Variants in TAPT1 observed in about 807,000 individuals in gnomAD.
TAPT1 encodes transmembrane anterior posterior transformation 1.
A neutral mutation model predicts 65.6 loss-of-function variants in TAPT1; 28 were observed. The observed-to-expected ratio is 0.43, with a 90% CI of 0.32 to 0.59. The LOEUF (loss-of-function observed/expected upper bound fraction) is 0.59. Among genes scored for constraint, TAPT1 ranks in the 20% least tolerant of loss-of-function variants. The probability of loss-of-function intolerance (pLI) is 0.09; values close to 1 mark genes in which losing one functional copy is unlikely to be tolerated. For synonymous variants in TAPT1, 278 were observed against 245.2 expected, an observed-to-expected ratio of 1.13 and a Z score of -1.25; for missense variants, 563 against 679.9, an observed-to-expected ratio of 0.83 and a Z score of 1.91.
chr4:16,200,703 A>G (rs1255924511), intron 3 of TAPT1, among the ~76,000 whole-genome samples: 1 of 152,218 alleles, frequency 6.6e-6, no homozygotes. Context: ...ATCCCGTTCC[A>G]AATAAAGATG....
intron 11 of TAPT1, 142 bp from the exon 12 acceptor site, chr4:16,170,871 A>G: frequency 1.6e-6 from 1 of 625,012 alleles, no homozygotes; most frequent in Non-Finnish European, 2.8e-6. Flanking sequence ...TAAAAATCCA[A>G]GAAGGCAGAT....
rs565111053 is a variant in TAPT1 at position 16,174,443 on chromosome 4, T to C, written c.1168-171A>G. ...AATCCAAATGTTCACAAGTCTTAAA[T>C]ACAAAGTTGAATAACTTAAAATGCT... On this transcript the variant is annotated intron_variant, in intron 10 of 13. Coordinates refer to ENST00000405303, the MANE Select transcript of TAPT1 (RefSeq NM_153365.3). 3 of 707,678 alleles carry C rather than the reference T, an allele frequency of 4.2e-6. No individual in the cohort carries two copies. In the East Asian group the frequency reaches 8.4e-5, roughly 20 times the overall value. 43.8% of individuals were successfully genotyped at this position (707,678 alleles called of 1,614,324 possible).
rs550731010 is a variant in TAPT1, at chr4:16,186,617, A to G, written c.847-13T>C. The G allele has an allele frequency of 7.8e-5, 116 of 1,494,838 alleles. No homozygotes were observed. The East Asian group carries it at 2.8e-3, about 36-fold the overall frequency. The allele number at this position is 1,494,838 out of a possible 1,614,324, so 92.6% of individuals were successfully genotyped here. A position where few individuals can be genotyped will look rare whatever the true frequency, so the allele number is the denominator to read the frequency against. Reference sequence around the variant, plus strand: ...TAATTTCAACAAACTGAAATAGTAAACAGAAATACCATCTTTATGATTATA... The same window carrying G: ...TAATTTCAACAAACTGAAATAGTAAGCAGAAATACCATCTTTATGATTATA... On this transcript the variant is annotated splice_polypyrimidine_tract_variant and intron_variant, in intron 6 of 13. Transcript: ENST00000405303.
At chr4:16,226,033 C>G (rs1751530987) in intron 1 of TAPT1, 1 of 1,006,194 alleles carries the variant, frequency 9.9e-7, no homozygotes. Context: ...CCTGGCCTGG[C>G]GCGGCCGCGG....
intron 1 of TAPT1, among the ~76,000 whole-genome samples, chr4:16,224,896 T>C (rs1211792911): frequency 6.6e-6 from 1 of 152,202 alleles, no homozygotes; most frequent in Non-Finnish European, 1.5e-5. Flanking sequence ...TTTAAAATGG[T>C]GGCTTTCCTG....
Position 16,226,227 on chromosome 4 carries a change from AGCCCGCCACGGCCTAGCGCC to A in TAPT1, c.199+12_199+31del, listed in dbSNP as rs1751551083. On this transcript the variant is annotated intron_variant, in intron 1 of 13. Coordinates refer to ENST00000405303, the MANE Select transcript of TAPT1 (RefSeq NM_153365.3). ...CCTCGGTCCCCAGTCCGCCCCTCGG[AGCCCGCCACGGCCTAGCGCC>A]GCCCGCCTCACCTGTGCGGCCCCGG... The A allele has an allele frequency of 1.8e-6, 2 of 1,105,154 alleles. No homozygotes were observed. Among genetic ancestry groups the A allele is most frequent in the Non-Finnish European group, 2.2e-6 (2 of 907,266 alleles). The allele number at this position is 1,105,154 out of a possible 1,614,324, so 68.5% of individuals were successfully genotyped here. A position where few individuals can be genotyped will look rare whatever the true frequency, so the allele number is the denominator to read the frequency against.
At position 16,162,192 on chromosome 4, in the gene TAPT1, C is replaced by T. The variant is rs953164798; in HGVS notation, c.*1116G>A. On this transcript the variant is annotated 3_prime_UTR_variant, in exon 14 of 14. Coordinates refer to ENST00000405303, the MANE Select transcript of TAPT1 (RefSeq NM_153365.3). ...CACCCCATTTACTTTCACACAAAAT[C>T]CTCTCCAGACCCAGGCCTGCCCCAT... The T allele has an allele frequency of 6.5e-6, 1 of 153,164 alleles. No homozygotes were observed. Among genetic ancestry groups the T allele is most frequent in the African/African-American group, 2.4e-5 (1 of 41,434 alleles). 9.5% of individuals were successfully genotyped at this position (153,164 alleles called of 1,614,324 possible).
chr4:16,172,055 T>C (rs1373028224), intron 11 of TAPT1, among the ~76,000 whole-genome samples: 2 of 152,172 alleles, frequency 1.3e-5, no homozygotes. Context: ...GACGAAGCTC[T>C]GTGAGCAAAG....
At chr4:16,213,110 CTTCTT>C (rs775356515) in intron 2 of TAPT1, among the ~76,000 whole-genome samples, 4 of 152,196 alleles carry the variant, frequency 2.6e-5, no homozygotes, top group Admixed American at 6.5e-5. Flanking sequence ...TGAATTATTT[CTTCTT>C]TTCTTTTAGC....
chr4:16,195,862 A>G (rs1298970477), intron 3 of TAPT1, among the ~76,000 whole-genome samples: 1 of 152,246 alleles, frequency 6.6e-6, no homozygotes, highest in African/African-American at 2.4e-5. Flanking sequence ...AGAAAGATCA[A>G]GAAGGAAGAT....
At chr4:16,170,612 C>T (rs775976559) in intron 12 of TAPT1, 41 bp downstream of exon 12, 7 of 1,468,968 alleles carry the variant, frequency 4.8e-6, no homozygotes, top group Non-Finnish European at 6.7e-6. Context: ...TGCATTTATG[C>T]TTTACTGTAT....
chr4:16,166,994 T>G, intron 12 of TAPT1: 1 of 298,590 alleles, frequency 3.3e-6, no homozygotes, highest in African/African-American at 2.2e-5. Context: ...TAGTTCTCTT[T>G]TTTTTTTTTT....
At position 16,163,100 on chromosome 4, in the gene TAPT1, G is replaced by T. The variant is rs1278903121; in HGVS notation, c.*208C>A. On this transcript the variant is annotated 3_prime_UTR_variant, in exon 14 of 14. Coordinates refer to ENST00000405303, the MANE Select transcript of TAPT1 (RefSeq NM_153365.3). Reference sequence around the variant, plus strand: ...GTTTTATAATCCATCAAGCTTCCCAGACAGTCAAGGCCGGAGGTCGCTCCT... The same window carrying T: ...GTTTTATAATCCATCAAGCTTCCCATACAGTCAAGGCCGGAGGTCGCTCCT... 3.1e-6 allele frequency: 2 copies of T among 635,816 alleles called. No homozygotes were observed. The highest frequency in any genetic ancestry group is 1.8e-5 in the African/African-American group (1 of 55,790). The allele number at this position is 635,816 out of a possible 1,614,324, so 39.4% of individuals were successfully genotyped here.
At chr4:16,217,604 T>C (rs948009640) in intron 1 of TAPT1, among the ~76,000 whole-genome samples, 4 of 152,240 alleles carry the variant, frequency 2.6e-5, no homozygotes, top group Non-Finnish European at 5.9e-5. Flanking sequence ...AATTTCTCTA[T>C]TGAAAGATGA....
chr4:16,210,354 C>A (rs1169093066), intron 2 of TAPT1, among the ~76,000 whole-genome samples: 1 of 152,158 alleles, frequency 6.6e-6, no homozygotes, highest in Non-Finnish European at 1.5e-5. Context: ...ATCCTAAAAA[C>A]CACACCTCTC....
intron 2 of TAPT1, among the ~76,000 whole-genome samples, chr4:16,205,262 C>T (rs1006753957): frequency 6.6e-6 from 1 of 152,158 alleles, no homozygotes; most frequent in Admixed American, 6.5e-5. Flanking sequence ...AATATATCTC[C>T]TTGAATTACA....
At chr4:16,201,078 AT>A (rs1475654760) in intron 3 of TAPT1, among the ~76,000 whole-genome samples, 1 of 152,228 alleles carries the variant, frequency 6.6e-6, no homozygotes, top group African/African-American at 2.4e-5. Flanking sequence ...CAGGAGCTGA[AT>A]TTTTATAATT....
chr4:16,186,238 T>C (rs1368401217), intron 7 of TAPT1, among the ~76,000 whole-genome samples: 1 of 152,254 alleles, frequency 6.6e-6, no homozygotes, highest in Non-Finnish European at 1.5e-5. Context: ...TTTCTGTGTT[T>C]CAGTTTTCAC....
intron 1 of TAPT1, among the ~76,000 whole-genome samples, chr4:16,222,179 T>C (rs531913127): frequency 1.2e-4 from 19 of 152,300 alleles, no homozygotes; most frequent in African/African-American, 4.1e-4. Context: ...AGTCCCCAAA[T>C]TGGAGCACAA....
Sources: allele counts gnomAD v4.1 joint callset (sites outside exome capture counted in the v4.1 genomes callset), GRCh38; gene constraint gnomAD v4.1.1; transcripts MANE v1.5; gene names NCBI Gene and HGNC (gene_info 2026-07-23, HGNC 2026-07-21).